GALNT13: variants seen among roughly 807,000 people sequenced by gnomAD.
The protein encoded by GALNT13 is UDP-GalNAc:polypeptide N-acetylgalactosaminyltransferase 13.
GALNT13 carries 28 observed loss-of-function variants against 64.2 expected under a neutral mutation model. The ratio of observed to expected loss-of-function variants is 0.44; its 90% CI spans 0.32 to 0.60. GALNT13 has a LOEUF of 0.60. Ranked by LOEUF, GALNT13 falls within the 20% of genes least tolerant of loss-of-function variation. GALNT13 has a pLI of 0.05. For missense variants in GALNT13, 577 were observed against 669.8 expected (o/e 0.86, Z 1.53); for synonymous variants, 214 against 224.6 (o/e 0.95, Z 0.42).
At chr2:153,708,999 G>T in the GALNT13 span, among the ~76,000 whole-genome samples, 1 of 151,940 alleles carries the variant, frequency 6.6e-6, no homozygotes, top group Non-Finnish European at 1.5e-5. Context: ...ACGGATTAAA[G>T]ACTTAACATA....
chr2:153,247,852 T>C, the GALNT13 span, among the ~76,000 whole-genome samples: 1 of 151,822 alleles, frequency 6.6e-6, no homozygotes, highest in Non-Finnish European at 1.5e-5. Flanking sequence ...AAGAATCGAA[T>C]AGAGACAATA....
the GALNT13 span, among the ~76,000 whole-genome samples, chr2:153,219,153 G>A: frequency 7.9e-4 from 121 of 152,284 alleles, no homozygotes; most frequent in African/African-American, 2.7e-3. Context: ...CAATTCATCA[G>A]GGAATTTATT....
chr2:153,651,185 G>T, the GALNT13 span, among the ~76,000 whole-genome samples: 1 of 152,142 alleles, frequency 6.6e-6, no homozygotes, highest in East Asian at 1.9e-4. Context: ...TTGAAAAGGA[G>T]AGGTTGTGCA....
At chr2:153,974,584 CAAAT>C (rs1483123232) in intron 3 of GALNT13, among the ~76,000 whole-genome samples, 3 of 151,778 alleles carry the variant, frequency 2.0e-5, no homozygotes, top group Non-Finnish European at 4.4e-5. Flanking sequence ...ATAAATATAA[CAAAT>C]AACCTATAGA....
At chr2:153,361,356 C>T in the GALNT13 span, among the ~76,000 whole-genome samples, 8 of 152,130 alleles carry the variant, frequency 5.3e-5, no homozygotes, top group South Asian at 1.5e-3. Flanking sequence ...CAGAACTATA[C>T]AGAGGATGAG....
chr2:153,634,535 T>C, the GALNT13 span, among the ~76,000 whole-genome samples: 1 of 145,414 alleles, frequency 6.9e-6, no homozygotes, highest in Middle Eastern at 3.4e-3. Flanking sequence ...TGAAAAAAGA[T>C]GGAAATCTTT....
At chr2:154,235,379 T>G (rs1001756858) in intron 4 of GALNT13, among the ~76,000 whole-genome samples, 1 of 152,106 alleles carries the variant, frequency 6.6e-6, no homozygotes, top group African/African-American at 2.4e-5. Context: ...CATGCAAAAT[T>G]TAGTGCTTCA....
chr2:153,280,123 C>T, the GALNT13 span, among the ~76,000 whole-genome samples: 1 of 151,966 alleles, frequency 6.6e-6, no homozygotes, highest in Non-Finnish European at 1.5e-5. Flanking sequence ...GGAATGTATC[C>T]ATTTCCTCTA....
At chr2:154,260,737 A>C (rs1456011006) in intron 8 of GALNT13, among the ~76,000 whole-genome samples, 2 of 152,202 alleles carry the variant, frequency 1.3e-5, no homozygotes, top group Non-Finnish European at 2.9e-5. Context: ...AAAAGAAAAG[A>C]AATCAGTATA....
chr2:153,533,723 CTTTTTTTTTTTTT>C, the GALNT13 span, among the ~76,000 whole-genome samples: 4 of 48,730 alleles, frequency 8.2e-5, no homozygotes, highest in South Asian at 1.9e-3. Flanking sequence ...TGAGGTTTTT[CTTTTTTTTTTTTT>C]TTTTTTTTTG....
intron 4 of GALNT13, among the ~76,000 whole-genome samples, chr2:154,179,526 G>A (rs1685841635): frequency 6.6e-6 from 1 of 152,038 alleles, no homozygotes; most frequent in African/African-American, 2.4e-5. Flanking sequence ...GGAAGTGTGA[G>A]GCAAAACTGT....
intron 4 of GALNT13, among the ~76,000 whole-genome samples, chr2:154,219,351 C>G (rs1022243303): frequency 6.6e-6 from 1 of 151,968 alleles, no homozygotes; most frequent in Non-Finnish European, 1.5e-5. Flanking sequence ...CAATCTTCTA[C>G]CCCAAGTAAA....
chr2:154,147,381 T>TTATATATATA (rs34053196), intron 4 of GALNT13, among the ~76,000 whole-genome samples: 4 of 144,242 alleles, frequency 2.8e-5, no homozygotes, highest in South Asian at 4.4e-4. Flanking sequence ...GAATGGAATT[T>TTATATATATA]TATATATATA....
At chr2:153,887,226 A>G (rs1250892921) in intron 1 of GALNT13, among the ~76,000 whole-genome samples, 3 of 151,600 alleles carry the variant, frequency 2.0e-5, no homozygotes, top group African/African-American at 4.8e-5. Context: ...GTGACAATGC[A>G]TGAAATGTAC....
chr2:154,111,034 C>T (rs1435574128), intron 3 of GALNT13, among the ~76,000 whole-genome samples: 3 of 152,128 alleles, frequency 2.0e-5, no homozygotes, highest in African/African-American at 7.2e-5. Flanking sequence ...AAGATATTTT[C>T]GTAGTACAAG....
At chr2:153,684,937 G>C in the GALNT13 span, among the ~76,000 whole-genome samples, 7 of 151,698 alleles carry the variant, frequency 4.6e-5, no homozygotes, top group African/African-American at 1.7e-4. Flanking sequence ...AGTTTGCTAA[G>C]GATAATGGCC....
At chr2:153,105,782 TA>T in the GALNT13 span, among the ~76,000 whole-genome samples, 1 of 151,952 alleles carries the variant, frequency 6.6e-6, no homozygotes, top group Non-Finnish European at 1.5e-5. Context: ...TCAAAGAGAA[TA>T]AAATACCTAG....
the GALNT13 span, among the ~76,000 whole-genome samples, chr2:153,104,609 G>GT: frequency 1.3e-5 from 2 of 152,062 alleles, no homozygotes; most frequent in Non-Finnish European, 2.9e-5. Flanking sequence ...CATATATGTA[G>GT]TTTCAGTTAG....
At chr2:154,186,077 T>G in intron 4 of GALNT13, among the ~76,000 whole-genome samples, 1 of 152,092 alleles carries the variant, frequency 6.6e-6, no homozygotes, top group East Asian at 1.9e-4. Context: ...TTTTACACAT[T>G]GTAATGCTTT....
Sources: allele counts gnomAD v4.1 joint callset (sites outside exome capture counted in the v4.1 genomes callset), GRCh38; gene constraint gnomAD v4.1.1; transcripts MANE v1.5; gene names NCBI Gene and HGNC (gene_info 2026-07-23, HGNC 2026-07-21).